The following TMEM154 variants were observed in gnomAD, a reference collection of about 807,000 sequenced individuals.
TMEM154 encodes the protein transmembrane protein 154.
A neutral mutation model predicts 24.5 loss-of-function variants in TMEM154; 27 were observed. That is an observed-to-expected ratio of 1.10 (90% confidence interval 0.81 to 1.52). The LOEUF is 1.52. TMEM154 is among the 40% of genes most tolerant of loss of function. TMEM154 has a pLI of 0.00. For synonymous variants in TMEM154, 67 were observed against 76.8 expected (o/e 0.87, Z 0.67); for missense variants, 228 against 213.4 (o/e 1.07, Z -0.43).
rs1279969305 is a variant in TMEM154 at position 152,628,499 on chromosome 4, C to G, written c.*47G>C. 6.8e-7 allele frequency: 1 copy of G among 1,472,794 alleles called. No homozygotes were observed. Among genetic ancestry groups the G allele is most frequent in the Non-Finnish European group, 9.1e-7 (1 of 1,095,438 alleles). 91.2% of individuals were successfully genotyped at this position (1,472,794 alleles called of 1,614,324 possible). A position where few individuals can be genotyped will look rare whatever the true frequency, so the allele number is the denominator to read the frequency against. On this transcript the variant is annotated 3_prime_UTR_variant, in exon 7 of 7. Transcript: ENST00000304385. ...ATCCTCTGTTGGCAGCCTCAGCAGA[C>G]TCCCTCAGGGGCTGCTTCTCTTGGA...
At chr4:152,664,287 C>T (rs960758540) in intron 1 of TMEM154, among the ~76,000 whole-genome samples, 2 of 151,880 alleles carry the variant, frequency 1.3e-5, no homozygotes, top group Non-Finnish European at 2.9e-5. Context: ...GAAAACCAAA[C>T]ACCACATGTT....
chr4:152,653,044 T>A, intron 1 of TMEM154, 117 bp from the exon 2 acceptor site: 1 of 1,090,616 alleles, frequency 9.2e-7, no homozygotes, highest in South Asian at 1.7e-5. Context: ...CCCACTATAC[T>A]TGGCCTCCAA....
intron 6 of TMEM154, among the ~76,000 whole-genome samples, chr4:152,637,545 C>T (rs1055752316): frequency 4.1e-5 from 6 of 145,542 alleles, no homozygotes; most frequent in South Asian, 2.1e-4. Context: ...AACTCAGTCT[C>T]GAAAAAAAAA....
intron 6 of TMEM154, among the ~76,000 whole-genome samples, chr4:152,629,276 C>T (rs1212671775): frequency 6.6e-6 from 1 of 152,226 alleles, no homozygotes; most frequent in East Asian, 1.9e-4. Flanking sequence ...ATGCCGTTTT[C>T]TCTCAAGAGT....
intron 6 of TMEM154, among the ~76,000 whole-genome samples, chr4:152,637,020 A>C (rs1431692671): frequency 2.0e-5 from 3 of 152,166 alleles, no homozygotes; most frequent in Non-Finnish European, 4.4e-5. Flanking sequence ...ATGGTGTGTC[A>C]ATGTAGGTTG....
chr4:152,626,752 AG>A lies in TMEM154; in HGVS notation c.*1793del, dbSNP rs758616171. 8.5e-5 allele frequency: 13 copies of A among 152,234 alleles called. No individual in the cohort carries two copies. Among genetic ancestry groups the A allele is most frequent in the Non-Finnish European group, 1.9e-4 (13 of 68,054 alleles). 9.4% of individuals were successfully genotyped at this position (152,234 alleles called of 1,614,324 possible). On this transcript the variant is annotated 3_prime_UTR_variant, in exon 7 of 7. Transcript: ENST00000304385. ...GTTCAAAGATCTTAGATACCTAAAG[AG>A]AGAAAGGGGCAAATGGAGGCTCTTC...
At chr4:152,656,363 A>G (rs1473966888) in intron 1 of TMEM154, among the ~76,000 whole-genome samples, 3 of 151,970 alleles carry the variant, frequency 2.0e-5, no homozygotes, top group African/African-American at 7.3e-5. Context: ...GATATGCTCA[A>G]CCCACCCCTG....
At chr4:152,647,830 T>G (rs766729359) in intron 3 of TMEM154, among the ~76,000 whole-genome samples, 2 of 152,182 alleles carry the variant, frequency 1.3e-5, no homozygotes, top group African/African-American at 2.4e-5. Context: ...CACAACTCTA[T>G]GAGGTGGGTA....
chr4:152,643,519 A>G (rs997253073), intron 4 of TMEM154, among the ~76,000 whole-genome samples: 1 of 152,188 alleles, frequency 6.6e-6, no homozygotes, highest in South Asian at 2.1e-4. Context: ...TGCCATATGA[A>G]GCATTTTAGC....
In TMEM154 at chr4:152,653,988, A is replaced by C. The variant is rs551855877; in HGVS notation, c.65-1061T>G. Among the ~76,000 whole-genome samples the C allele has an allele frequency of 2.6e-4, 39 of 152,110 alleles. No individual in the cohort carries two copies. In the South Asian group the frequency reaches 7.1e-3, roughly 28 times the overall value. ...CAGGAAGCAGAGGTTGCAGTCAGCCAAGATCGCGCCATTGCACTTCAGCCT... is the reference window on the plus strand; with the variant it reads ...CAGGAAGCAGAGGTTGCAGTCAGCCCAGATCGCGCCATTGCACTTCAGCCT... On this transcript the variant is annotated intron_variant, in intron 1 of 6. Transcript: ENST00000304385.
Position 152,650,314 on chromosome 4 carries a change from C to T in TMEM154, c.364+2224G>A, listed in dbSNP as rs1322109619. 3.3e-5 allele frequency among the ~76,000 whole-genome samples: 5 copies of T among 152,092 alleles called. No individual in the cohort carries two copies. In the East Asian group the frequency reaches 5.8e-4, roughly 18 times the overall value. ...CTATGTTTATGGAATATTCTAAATC[C>T]TCTGTTGTCATTTCAACAATGTTCA... On this transcript the variant is annotated intron_variant, in intron 3 of 6. Transcript: ENST00000304385.
chr4:152,661,391 T>A (rs1453952240), intron 1 of TMEM154, among the ~76,000 whole-genome samples: 1 of 149,394 alleles, frequency 6.7e-6, no homozygotes, highest in Admixed American at 6.8e-5. Flanking sequence ...GTAACTGGGA[T>A]GTATTGAATG....
intron 2 of TMEM154, 43 bp downstream of exon 2, chr4:152,652,624 C>T (rs781001163): frequency 6.2e-7 from 1 of 1,613,422 alleles, no homozygotes; most frequent in African/African-American, 1.3e-5. Context: ...TTCACTAACA[C>T]ATGAAGCAAT....
At position 152,664,927 on chromosome 4, in the gene TMEM154, C is replaced by T. The variant is rs927470645; in HGVS notation, c.65-12000G>A. Among the ~76,000 whole-genome samples, 8 of 150,634 alleles carry T rather than the reference C, an allele frequency of 5.3e-5. No homozygotes were observed. The East Asian group carries it at 1.5e-3, about 29-fold the overall frequency. On this transcript the variant is annotated intron_variant, in intron 1 of 6. Transcript: ENST00000304385. The stretch of plus-strand genomic sequence containing the variant: ...AAAAGCCTGACTCCTTTTCATTCTC[C>T]TGTATATAATGAAGAGCCTGATTAG...
intron 6 of TMEM154, among the ~76,000 whole-genome samples, chr4:152,630,082 G>A (rs1240581353): frequency 6.6e-6 from 1 of 152,070 alleles, no homozygotes; most frequent in East Asian, 1.9e-4. Flanking sequence ...GGGAGGCTGA[G>A]GCAGGAGGAT....
At chr4:152,672,704 A>G (rs1413374906) in intron 1 of TMEM154, among the ~76,000 whole-genome samples, 2 of 152,244 alleles carry the variant, frequency 1.3e-5, no homozygotes, top group Non-Finnish European at 2.9e-5. Context: ...AGGCTCTCTC[A>G]TTATTTTCCA....
chr4:152,640,892 C>CAAAAAAAGTAAA, intron 6 of TMEM154, 36 bp downstream of exon 6: 1 of 1,454,088 alleles, frequency 6.9e-7, no homozygotes, highest in Non-Finnish European at 9.6e-7. Context: ...CGCCCCCCGC[C>CAAAAAAAGTAAA]ATATACATGT....
Position 152,651,800 on chromosome 4 carries a change from C to G in TMEM154, c.364+738G>C, listed in dbSNP as rs538426494. Among the ~76,000 whole-genome samples the G allele has an allele frequency of 2.0e-5, 3 of 152,366 alleles. 1 individual carries two copies. The highest frequency in any genetic ancestry group is 7.2e-5 in the African/African-American group (3 of 41,586). On this transcript the variant is annotated intron_variant, in intron 3 of 6. Coordinates refer to ENST00000304385, the MANE Select transcript of TMEM154 (RefSeq NM_152680.3). Reference sequence around the variant, plus strand: ...TTGGCACAAGAGGCCTGGTTTTCAGCCTATCTCAGCTTTCAACTTGCCTTC... The same window carrying G: ...TTGGCACAAGAGGCCTGGTTTTCAGGCTATCTCAGCTTTCAACTTGCCTTC...
At position 152,652,524 on chromosome 4, in the gene TMEM154, A is replaced by C. The variant is rs769374166; in HGVS notation, c.364+14T>G. 1.9e-6 allele frequency: 3 copies of C among 1,613,452 alleles called. No homozygotes were observed. The highest frequency in any genetic ancestry group is 2.5e-6 in the Non-Finnish European group (3 of 1,179,826). On this transcript the variant is annotated intron_variant, in intron 3 of 6. Coordinates refer to ENST00000304385, the MANE Select transcript of TMEM154 (RefSeq NM_152680.3). ...CCACCCCCACCTGTAGGCAGGTTTT[A>C]GGATAATACTCACATGTCTGTAAAG...
Sources: gnomAD v4.1 joint callset for allele counts (sites outside exome capture counted in the v4.1 genomes callset) on GRCh38, gnomAD v4.1.1 for gene constraint, MANE v1.5 for transcripts, NCBI Gene and HGNC (gene_info 2026-07-23, HGNC 2026-07-21) for gene names.